Variants in NDC1 observed in about 807,000 individuals in gnomAD.
The protein encoded by NDC1 is nucleoporin NDC1.
In NDC1, 24 loss-of-function variants were observed where a neutral mutation model predicts 89.8. That is an observed-to-expected ratio of 0.27 (90% confidence interval 0.19 to 0.38). The LOEUF is 0.38. Ranked by LOEUF, NDC1 falls within the 10% of genes least tolerant of loss-of-function variation. The probability of loss-of-function intolerance (pLI) is 1.00; values close to 1 mark genes in which losing one functional copy is unlikely to be tolerated. For missense variants in NDC1, 728 were observed against 797.6 expected, an observed-to-expected ratio of 0.91 and a Z score of 1.05; for synonymous variants, 296 against 284.8, an observed-to-expected ratio of 1.04 and a Z score of -0.39.
At chr1:53,775,778 T>C (rs1169865998) in intron 16 of NDC1, among the ~76,000 whole-genome samples, 8 of 152,138 alleles carry the variant, frequency 5.3e-5, no homozygotes, top group Admixed American at 5.2e-4. Flanking sequence ...AAATGAGAGA[T>C]TTAAGTTCTT....
Position 53,808,586 on chromosome 1 carries a change from A to C in NDC1, c.756-795T>G, listed in dbSNP as rs142791426. ...ATGATGAAGTTATTTTTAACTTCTA[A>C]GTAAACATTTTACTGAGGCCCTGAC... On this transcript the variant is annotated intron_variant, in intron 7 of 17. Coordinates refer to ENST00000371429, the MANE Select transcript of NDC1 (RefSeq NM_018087.5). Among the ~76,000 whole-genome samples, 46 of 152,366 alleles carry C rather than the reference A, an allele frequency of 3.0e-4. 1 individual carries two copies. Among genetic ancestry groups the C allele is most frequent in the African/African-American group, 1.1e-3 (45 of 41,596 alleles).
intron 16 of NDC1, among the ~76,000 whole-genome samples, chr1:53,774,320 C>T (rs1487995084): frequency 6.6e-6 from 1 of 152,118 alleles, no homozygotes; most frequent in African/African-American, 2.4e-5. Flanking sequence ...TCTTGGGAAA[C>T]ACTTTTAAAA....
At chr1:53,773,097 A>C (rs1647132996) in intron 16 of NDC1, among the ~76,000 whole-genome samples, 1 of 143,126 alleles carries the variant, frequency 7.0e-6, no homozygotes, top group South Asian at 2.1e-4. Context: ...GACCTCAGCA[A>C]AAAAAAAAAA....
At chr1:53,832,376 G>A (rs1055256749) in intron 3 of NDC1, 114 bp downstream of exon 3, 2 of 611,504 alleles carry the variant, frequency 3.3e-6, no homozygotes, top group Non-Finnish European at 2.9e-6. Flanking sequence ...ATATGATTCT[G>A]TATACGTTTT....
At chr1:53,831,166 A>T (rs12725248) in intron 3 of NDC1, among the ~76,000 whole-genome samples, 4,396 of 147,976 alleles carry the variant, frequency 0.03, 97 homozygotes, top group Middle Eastern at 0.05. Flanking sequence ...CAGAGCTTGC[A>T]GTGAGCCGAA....
At position 53,779,515 on chromosome 1, in the gene NDC1, A is replaced by T. The variant is rs188089191; in HGVS notation, c.1801-7026T>A. Among the ~76,000 whole-genome samples, 52 of 152,300 alleles carry T rather than the reference A, an allele frequency of 3.4e-4. 1 individual carries two copies. The highest frequency in any genetic ancestry group is 8.5e-4 in the Admixed American group (13 of 15,290). On this transcript the variant is annotated intron_variant, in intron 16 of 17. Transcript: ENST00000371429. ...AAGTCAGTCTGATTCCAGATCTCAC[A>T]CTTTGGCACATCTGCCATACTGCCA...
intron 11 of NDC1, among the ~76,000 whole-genome samples, chr1:53,798,137 TTTTA>T (rs1647782509): frequency 2.4e-5 from 3 of 122,628 alleles, no homozygotes; most frequent in African/African-American, 9.4e-5. Context: ...TCCATCTTCT[TTTTA>T]TTATTATTAT....
At chr1:53,797,522 T>C (rs1269242752) in intron 11 of NDC1, among the ~76,000 whole-genome samples, 1 of 152,240 alleles carries the variant, frequency 6.6e-6, no homozygotes. Flanking sequence ...ATTACTATTT[T>C]AAGTATTACT....
At chr1:53,825,098 C>A (rs1299655294) in intron 5 of NDC1, among the ~76,000 whole-genome samples, 1 of 152,120 alleles carries the variant, frequency 6.6e-6, no homozygotes, top group African/African-American at 2.4e-5. Flanking sequence ...TGGCTTGAGC[C>A]AGCAGGTGAT....
At chr1:53,811,852 A>C (rs1218203876) in intron 6 of NDC1, among the ~76,000 whole-genome samples, 1 of 152,102 alleles carries the variant, frequency 6.6e-6, no homozygotes, top group African/African-American at 2.4e-5. Flanking sequence ...CATGGAGTCC[A>C]CTGCACCCCC....
At chr1:53,812,021 T>C (rs1648324969) in intron 6 of NDC1, among the ~76,000 whole-genome samples, 1 of 152,126 alleles carries the variant, frequency 6.6e-6, no homozygotes, top group Non-Finnish European at 1.5e-5. Flanking sequence ...ATCACTGCAG[T>C]TCGGCTCACA....
intron 16 of NDC1, among the ~76,000 whole-genome samples, chr1:53,779,047 G>A (rs1193180250): frequency 6.7e-6 from 1 of 148,896 alleles, no homozygotes; most frequent in Non-Finnish European, 1.5e-5. Context: ...GGAGGCTGAG[G>A]AGGGAGGATC....
intron 6 of NDC1, among the ~76,000 whole-genome samples, chr1:53,818,163 G>T (rs111578074): frequency 9.9e-5 from 15 of 152,142 alleles, no homozygotes; most frequent in African/African-American, 3.6e-4. Context: ...TAGGCCGGGC[G>T]TGGTGGCTCA....
chr1:53,786,038 C>A (rs531007030), intron 16 of NDC1, among the ~76,000 whole-genome samples: 1 of 152,156 alleles, frequency 6.6e-6, no homozygotes, highest in African/African-American at 2.4e-5. Context: ...GATTCTCCTG[C>A]CTCAGCGTCC....
At chr1:53,805,107 AATTCT>A (rs1648056678) in intron 9 of NDC1, among the ~76,000 whole-genome samples, 1 of 152,208 alleles carries the variant, frequency 6.6e-6, no homozygotes, top group Non-Finnish European at 1.5e-5. Context: ...ATTTAAAAGT[AATTCT>A]ATTTATTTTC....
chr1:53,827,146 C>A (rs908085512), intron 4 of NDC1, among the ~76,000 whole-genome samples: 3 of 151,884 alleles, frequency 2.0e-5, no homozygotes, highest in Admixed American at 6.6e-5. Context: ...AAAAAACAAC[C>A]TGCCTTATAT....
At chr1:53,807,432 A>G (rs1648149284) in intron 8 of NDC1, among the ~76,000 whole-genome samples, 1 of 152,114 alleles carries the variant, frequency 6.6e-6, no homozygotes, top group Admixed American at 6.5e-5. Context: ...CAGTCCATTC[A>G]GTTTAATCTC....
chr1:53,782,384 T>G (rs1647218307), intron 16 of NDC1, among the ~76,000 whole-genome samples: 1 of 152,182 alleles, frequency 6.6e-6, no homozygotes, highest in African/African-American at 2.4e-5. Context: ...GTAATGGAAC[T>G]GCCACATGGG....
intron 3 of NDC1, among the ~76,000 whole-genome samples, chr1:53,831,238 A>G (rs1649057375): frequency 6.6e-6 from 1 of 152,136 alleles, no homozygotes; most frequent in African/African-American, 2.4e-5. Flanking sequence ...AATGATAATA[A>G]TAATAAAATA....
Sources: gnomAD v4.1 joint callset for allele counts (sites outside exome capture counted in the v4.1 genomes callset) on GRCh38, gnomAD v4.1.1 for gene constraint, MANE v1.5 for transcripts, NCBI Gene and HGNC (gene_info 2026-07-23, HGNC 2026-07-21) for gene names.